The following SCHIP1 variants were observed in gnomAD, a reference collection of about 807,000 sequenced individuals.
SCHIP1 encodes the protein schwannomin interacting protein 1.
SCHIP1 carries 8 observed loss-of-function variants against 29.7 expected under a neutral mutation model. The ratio of observed to expected loss-of-function variants is 0.27; its 90% CI spans 0.16 to 0.49. The LOEUF is 0.49. Among genes scored for constraint, SCHIP1 ranks in the 20% least tolerant of loss-of-function variants. The probability of loss-of-function intolerance (pLI) is 0.99; values close to 1 mark genes in which losing one functional copy is unlikely to be tolerated. For missense variants in SCHIP1, 193 were observed against 294.6 expected, an observed-to-expected ratio of 0.66 and a Z score of 2.52; for synonymous variants, 76 against 94.9, an observed-to-expected ratio of 0.80 and a Z score of 1.16.
the SCHIP1 span, among the ~76,000 whole-genome samples, chr3:159,283,924 A>G: frequency 6.6e-6 from 1 of 152,176 alleles, no homozygotes; most frequent in African/African-American, 2.4e-5. Flanking sequence ...GTTTGGTTTT[A>G]ACGGGTAGTT....
chr3:159,623,965 T>C, the SCHIP1 span, among the ~76,000 whole-genome samples: 4 of 152,210 alleles, frequency 2.6e-5, no homozygotes, highest in African/African-American at 7.2e-5. Flanking sequence ...CTCTTGATTA[T>C]AGGAGGGACA....
the SCHIP1 span, among the ~76,000 whole-genome samples, chr3:159,488,077 T>C: frequency 6.6e-6 from 1 of 152,158 alleles, no homozygotes; most frequent in Non-Finnish European, 1.5e-5. Flanking sequence ...CAAGGAATGC[T>C]GGCTGAACAG....
At chr3:159,374,443 T>C in the SCHIP1 span, among the ~76,000 whole-genome samples, 3 of 152,110 alleles carry the variant, frequency 2.0e-5, no homozygotes, top group Middle Eastern at 3.2e-3. Context: ...TGGGAATCTG[T>C]GGGTACTAAT....
chr3:159,604,043 G>T, the SCHIP1 span, among the ~76,000 whole-genome samples: 2 of 152,152 alleles, frequency 1.3e-5, no homozygotes. Context: ...CAACACTGCT[G>T]CATTGGAGAT....
chr3:159,793,702 C>T, the SCHIP1 span, among the ~76,000 whole-genome samples: 13 of 152,218 alleles, frequency 8.5e-5, no homozygotes, highest in African/African-American at 2.9e-4. Context: ...GGATTACAGG[C>T]GTGTGCCACC....
At chr3:159,283,300 A>T in the SCHIP1 span, among the ~76,000 whole-genome samples, 1 of 152,014 alleles carries the variant, frequency 6.6e-6, no homozygotes. Flanking sequence ...TTACAGGCCC[A>T]TGCCACCATG....
the SCHIP1 span, among the ~76,000 whole-genome samples, chr3:159,332,558 C>A: frequency 1.3e-5 from 2 of 152,100 alleles, no homozygotes; most frequent in Non-Finnish European, 2.9e-5. Flanking sequence ...TCTAGAAATT[C>A]AATAAATATT....
the SCHIP1 span, among the ~76,000 whole-genome samples, chr3:159,732,046 A>G: frequency 1.3e-5 from 2 of 152,124 alleles, no homozygotes; most frequent in Non-Finnish European, 2.9e-5. Flanking sequence ...GGGTTTCACC[A>G]TGTTGGCCAG....
At chr3:159,426,659 AG>A in the SCHIP1 span, among the ~76,000 whole-genome samples, 1 of 152,230 alleles carries the variant, frequency 6.6e-6, no homozygotes, top group Non-Finnish European at 1.5e-5. Context: ...ATAGAAAAAG[AG>A]GGAATCCTCC....
chr3:159,611,006 T>G, the SCHIP1 span, among the ~76,000 whole-genome samples: 2 of 152,050 alleles, frequency 1.3e-5, no homozygotes, highest in Non-Finnish European at 2.9e-5. Flanking sequence ...TCTTAATAAC[T>G]CTAAGAAGCA....
the SCHIP1 span, among the ~76,000 whole-genome samples, chr3:159,647,550 C>G: frequency 6.6e-6 from 1 of 152,152 alleles, no homozygotes; most frequent in African/African-American, 2.4e-5. Flanking sequence ...ATTCCCATGA[C>G]AACTCTGTCC....
chr3:159,824,915 TTC>T, the SCHIP1 span, among the ~76,000 whole-genome samples: 2 of 152,234 alleles, frequency 1.3e-5, no homozygotes, highest in African/African-American at 4.8e-5. Flanking sequence ...TTTACTTTTT[TTC>T]TCTCACCTAA....
the SCHIP1 span, among the ~76,000 whole-genome samples, chr3:159,349,938 C>G: frequency 6.6e-6 from 1 of 152,130 alleles, no homozygotes; most frequent in African/African-American, 2.4e-5. Flanking sequence ...GCCACCTTAC[C>G]TCTTCAACTC....
chr3:159,508,058 G>C, the SCHIP1 span, among the ~76,000 whole-genome samples: 1 of 152,178 alleles, frequency 6.6e-6, no homozygotes, highest in Non-Finnish European at 1.5e-5. Flanking sequence ...GCTCCTCCTT[G>C]TACCTCTGGT....
chr3:159,474,944 A>C, the SCHIP1 span, among the ~76,000 whole-genome samples: 2 of 152,176 alleles, frequency 1.3e-5, no homozygotes, highest in African/African-American at 4.8e-5. Context: ...ATGGATAATA[A>C]CAAGTATTGA....
At chr3:159,297,717 C>T in the SCHIP1 span, among the ~76,000 whole-genome samples, 1 of 152,178 alleles carries the variant, frequency 6.6e-6, no homozygotes, top group South Asian at 2.1e-4. Context: ...CAGAAAAGGG[C>T]AGGATTTGTA....
At chr3:159,700,826 A>C in the SCHIP1 span, among the ~76,000 whole-genome samples, 1 of 151,958 alleles carries the variant, frequency 6.6e-6, no homozygotes, top group Non-Finnish European at 1.5e-5. Flanking sequence ...AAAAAAAAAA[A>C]AGAGAGATGC....
the SCHIP1 span, among the ~76,000 whole-genome samples, chr3:159,600,249 C>T: frequency 6.6e-6 from 1 of 152,190 alleles, no homozygotes. Context: ...ATATGAATGT[C>T]TAATTCTCTG....
chr3:159,765,119 C>A, the SCHIP1 span: 4 of 1,567,192 alleles, frequency 2.6e-6, no homozygotes, highest in Non-Finnish European at 3.5e-6. Context: ...CAGGGCCAGG[C>A]GAGGACCAAC....
Sources: allele counts gnomAD v4.1 joint callset (sites outside exome capture counted in the v4.1 genomes callset), GRCh38; gene constraint gnomAD v4.1.1; transcripts MANE v1.5; gene names NCBI Gene and HGNC (gene_info 2026-07-23, HGNC 2026-07-21).